The following FANCM variants were observed in gnomAD, a reference collection of about 807,000 sequenced individuals.
The protein encoded by FANCM is FA complementation group M.
A neutral mutation model predicts 199.5 loss-of-function variants in FANCM; 140 were observed. The observed-to-expected ratio is 0.70, with a 90% CI of 0.61 to 0.81. The LOEUF (loss-of-function observed/expected upper bound fraction) is 0.81, where lower values mean the gene tolerates loss of function less well. FANCM is among the 30% of genes least tolerant of loss of function. The pLI, the probability that FANCM is intolerant of heterozygous loss-of-function variation, is 0.00. For missense variants in FANCM, 2,410 were observed against 2,421.4 expected (o/e 1.00, Z 0.10); for synonymous variants, 840 against 836.8 (o/e 1.00, Z -0.07).
chr14:45,151,421 T>C lies in FANCM; in HGVS notation c.943T>C (p.Leu315=). 1 of 1,613,744 alleles carries C rather than the reference T, an allele frequency of 6.2e-7. No individual in the cohort carries two copies. The highest frequency in any genetic ancestry group is 1.1e-5 in the South Asian group (1 of 91,078). Residue 315 remains leucine (L), a synonymous_variant, in exon 5 of 23, where the codon TTG becomes CTG. Coordinates refer to ENST00000267430, the MANE Select transcript of FANCM (RefSeq NM_020937.4). ...IQILESFARS[L]IQRNVLMRRD... ...GATTTTGGAATCATTTGCTCGTTCT[T>C]TGATTCAGAGGAATGTTTTGATGAG...
At chr14:45,156,586 A>C (rs1483266363) in intron 8 of FANCM, among the ~76,000 whole-genome samples, 1 of 152,244 alleles carries the variant, frequency 6.6e-6, no homozygotes, top group South Asian at 2.1e-4. Flanking sequence ...GAGCCAACTT[A>C]TTTATTGTAT....
At chr14:45,143,267 G>C (rs72672921) in intron 3 of FANCM, among the ~76,000 whole-genome samples, 14,374 of 151,582 alleles carry the variant, frequency 0.095, 948 homozygotes, top group Non-Finnish European at 0.14. Context: ...CCCAGGCTCA[G>C]GTGGTTCTCC....
chr14:45,188,380 A>G (rs1889543588), intron 19 of FANCM, among the ~76,000 whole-genome samples: 1 of 152,090 alleles, frequency 6.6e-6, no homozygotes. Flanking sequence ...TGGTTGATCA[A>G]AATTCATTTT....
chr14:45,153,721 A>G (rs1886980217), intron 5 of FANCM, among the ~76,000 whole-genome samples, 199 bp from the exon 6 acceptor site: 1 of 152,218 alleles, frequency 6.6e-6, no homozygotes, highest in East Asian at 1.9e-4. Flanking sequence ...TACAAAATAC[A>G]TTGGTACCTT....
At chr14:45,171,390 T>C (rs1252072049) in intron 12 of FANCM, among the ~76,000 whole-genome samples, 3 of 152,146 alleles carry the variant, frequency 2.0e-5, no homozygotes, top group Non-Finnish European at 1.5e-5. Flanking sequence ...GATAAGTTCT[T>C]AGTGGTGATT....
Position 45,164,494 on chromosome 14 carries a change from C to T in FANCM, c.1717C>T (p.Arg573Ter), listed in dbSNP as rs140760056. 6 of 1,613,594 alleles carry T rather than the reference C, an allele frequency of 3.7e-6. No homozygotes were observed. The highest frequency in any genetic ancestry group is 1.1e-5 in the South Asian group (1 of 91,064). The change falls in exon 10 of 23, where the codon CGA (arginine) becomes TGA (stop). Residue 573 changes from arginine to a stop codon, truncating the protein, a stop_gained. Coordinates refer to ENST00000267430, the MANE Select transcript of FANCM (RefSeq NM_020937.4). LOFTEE classifies it high-confidence loss of function. Reference protein sequence around the residue: ...SQKSPIRLVQRMGRTGRKRQG... With the variant: ...SQKSPIRLVQ The stretch of plus-strand genomic sequence containing the variant: ...GAAGAGCCCAATTCGTCTTGTACAA[C>T]GAATGGGTAGAACTGGCCGTAAACG...
chr14:45,150,492 A>G (rs1886737290), intron 4 of FANCM, among the ~76,000 whole-genome samples: 1 of 152,192 alleles, frequency 6.6e-6, no homozygotes, highest in African/African-American at 2.4e-5. Flanking sequence ...CAAAAATTTA[A>G]ACACTTACAT....
At chr14:45,179,828 G>A (rs1888955433) in intron 14 of FANCM, among the ~76,000 whole-genome samples, 1 of 152,074 alleles carries the variant, frequency 6.6e-6, no homozygotes, top group Non-Finnish European at 1.5e-5. Flanking sequence ...CCAAAGTGCT[G>A]GGATTACAGG....
In FANCM at chr14:45,200,507, TAACTG is replaced by T. The variant is rs1344180690; in HGVS notation, c.*502_*506del. 3.3e-5 allele frequency: 5 copies of T among 153,410 alleles called. No homozygotes were observed. In the East Asian group the frequency reaches 9.5e-4, roughly 29 times the overall value. The allele number at this position is 153,410 out of a possible 1,614,324, so 9.5% of individuals were successfully genotyped here. ...CCAGTAACTAGGAAAGTAGAAAACT[TAACTG>T]AATGTTTATCTGACCAAAGGTGTGT... is the stretch of plus-strand genomic sequence containing the variant. On this transcript the variant is annotated 3_prime_UTR_variant, in exon 23 of 23. Coordinates refer to ENST00000267430, the MANE Select transcript of FANCM (RefSeq NM_020937.4).
intron 20 of FANCM, among the ~76,000 whole-genome samples, chr14:45,190,552 G>A (rs1365896728): frequency 6.6e-6 from 1 of 151,916 alleles, no homozygotes; most frequent in Non-Finnish European, 1.5e-5. Context: ...TGTATAATTT[G>A]ACCAACACCC....
Position 45,181,488 on chromosome 14 carries a change from T to G in FANCM, c.4281T>G (p.Val1427=), listed in dbSNP as rs972227888. The G allele has an allele frequency of 6.2e-7, 1 of 1,608,336 alleles. No individual in the cohort carries two copies. Among genetic ancestry groups the G allele is most frequent in the African/African-American group, 1.3e-5 (1 of 74,786 alleles). ...SEDDEIFRRK[V]KRAKGNVLNS... ...ATGACGAGATTTTCCGAAGAAAAGT[T>G]AAAAGAGCAAAAGGAAATGTTTTAA... Residue 1427 remains valine (V), a synonymous_variant, in exon 15 of 23, where the codon GTT becomes GTG. Transcript: ENST00000267430.
chr14:45,168,418 G>A (rs532552400), intron 11 of FANCM, among the ~76,000 whole-genome samples: 66 of 151,854 alleles, frequency 4.3e-4, no homozygotes, highest in African/African-American at 1.5e-3. Context: ...ATCATTTTTA[G>A]TGATCATTAT....
In FANCM at chr14:45,164,146, A is replaced by G. The variant is rs149115531; in HGVS notation, c.1582-213A>G. The stretch of plus-strand genomic sequence containing the variant: ...TTTTTCGTAGAGACAGGGTTTTTCT[A>G]TGTGCCCAGGCTGAGCTTGAGCTCC... On this transcript the variant is annotated intron_variant, in intron 9 of 22. Transcript: ENST00000267430. Among the ~76,000 whole-genome samples, 400 of 152,158 alleles carry G rather than the reference A, an allele frequency of 2.6e-3. 3 individuals are homozygous for G. Among genetic ancestry groups the G allele is most frequent in the African/African-American group, 9.0e-3 (375 of 41,512 alleles).
chr14:45,172,827 A>ATT (rs1362654391), intron 12 of FANCM, among the ~76,000 whole-genome samples: 1 of 152,172 alleles, frequency 6.6e-6, no homozygotes, highest in African/African-American at 2.4e-5. Flanking sequence ...AAACAGGAAT[A>ATT]TTGTCAACTT....
rs759165724 is a variant in FANCM, at chr14:45,196,228, A to C, written c.5397A>C (p.Arg1799Ser). Residue 1799 changes from arginine (R) to serine (S), a missense_variant, in exon 21 of 23, where the codon AGA becomes AGC. By Grantham distance (110) the Arg-to-Ser change is moderately radical. Coordinates refer to ENST00000267430, the MANE Select transcript of FANCM (RefSeq NM_020937.4). ...STSGASCSKS[R>S]PHLAGTHTSL... ...CAGGGGCATCCTGTTCCAAGTCAAG[A>C]CCACATTTAGCTGGGACACATACTT... is the stretch of plus-strand genomic sequence containing the variant. 6.2e-7 allele frequency: 1 copy of C among 1,614,028 alleles called. No homozygotes were observed. Among genetic ancestry groups the C allele is most frequent in the East Asian group, 2.2e-5 (1 of 44,874 alleles).
chr14:45,141,564 C>T (rs1885958922), intron 3 of FANCM, among the ~76,000 whole-genome samples: 1 of 141,272 alleles, frequency 7.1e-6, no homozygotes, highest in African/African-American at 2.6e-5. Flanking sequence ...ACGTTCCCCT[C>T]CTTTCCTCTC....
chr14:45,179,199 A>AAAAT (rs967349596), intron 14 of FANCM, among the ~76,000 whole-genome samples: 2 of 152,104 alleles, frequency 1.3e-5, no homozygotes, highest in Non-Finnish European at 2.9e-5. Flanking sequence ...GCTCTGTCTA[A>AAAAT]AAATAAATAA....
Position 45,196,217 on chromosome 14 carries a change from T to A in FANCM, c.5386T>A (p.Ser1796Thr), listed in dbSNP as rs966553375. 2 of 1,613,962 alleles carry A rather than the reference T, an allele frequency of 1.2e-6. No individual in the cohort carries two copies. Among genetic ancestry groups the A allele is most frequent in the Non-Finnish European group, 1.7e-6 (2 of 1,179,968 alleles). ...EDSSTSGASC[S>T]KSRPHLAGTH... is the part of the protein sequence containing the mutation. The stretch of plus-strand genomic sequence containing the variant: ...TTCTAGCACTTCAGGGGCATCCTGT[T>A]CCAAGTCAAGACCACATTTAGCTGG... The change falls in exon 21 of 23, where the codon TCC becomes ACC. Residue 1796 changes from serine to threonine, a missense_variant. Ser to Thr is a moderately conservative substitution (Grantham distance 58). Transcript: ENST00000267430.
chr14:45,177,883 A>G (rs1888814840), intron 14 of FANCM, among the ~76,000 whole-genome samples: 1 of 152,210 alleles, frequency 6.6e-6, no homozygotes. Context: ...AGAAATAAAA[A>G]CTGTATTCAG....
Sources: gnomAD v4.1 joint callset for allele counts (sites outside exome capture counted in the v4.1 genomes callset) on GRCh38, gnomAD v4.1.1 for gene constraint, MANE v1.5 for transcripts, NCBI Gene and HGNC (gene_info 2026-07-23, HGNC 2026-07-21) for gene names.